Variants in ALG11 observed in about 807,000 individuals in gnomAD.
ALG11 encodes ALG11 alpha-1,2-mannosyltransferase, also known as GDP-Man:Man(3)GlcNAc(2)-PP-Dol alpha-1,2-mannosyltransferase.
In ALG11, 26 loss-of-function variants were observed where a neutral mutation model predicts 38.8. The observed-to-expected ratio is 0.67, with a 90% CI of 0.49 to 0.93. The LOEUF (loss-of-function observed/expected upper bound fraction) is 0.93, where lower values mean the gene tolerates loss of function less well. Ranked by LOEUF, ALG11 falls within the 40% of genes least tolerant of loss-of-function variation. The pLI is 0.00. For missense variants in ALG11, 535 were observed against 578.8 expected (o/e 0.92, Z 0.78); for synonymous variants, 199 against 211.6 (o/e 0.94, Z 0.52).
chr13:52,031,008 A>T lies in ALG11; in HGVS notation c.*2418A>T, dbSNP rs1954298265. 1 of 1,614,196 alleles carries T rather than the reference A, an allele frequency of 6.2e-7. No individual in the cohort carries two copies. Among genetic ancestry groups the T allele is most frequent in the East Asian group, 2.2e-5 (1 of 44,878 alleles). On this transcript the variant is annotated 3_prime_UTR_variant, in exon 4 of 4. Transcript: ENST00000521508. ...ATCATTAAGCCCATAAAAGCAGAGG[A>T]TGTGGGCTACCAGTCTTCCTCAAGG...
Position 52,030,626 on chromosome 13 carries a change from T to A in ALG11, c.*2036T>A. On this transcript the variant is annotated 3_prime_UTR_variant, in exon 4 of 4. Coordinates refer to ENST00000521508, the MANE Select transcript of ALG11 (RefSeq NM_001004127.3). Reference sequence around the variant, plus strand: ...TGGGGATGATGTCATCAGAGATTTCTTGAAAGAGAAGAGGGAAGCTGTGGA... The same window carrying A: ...TGGGGATGATGTCATCAGAGATTTCATGAAAGAGAAGAGGGAAGCTGTGGA... 27 of 1,614,146 alleles carry A rather than the reference T, an allele frequency of 1.7e-5. No homozygotes were observed. Among genetic ancestry groups the A allele is most frequent in the Non-Finnish European group, 2.2e-5 (26 of 1,180,016 alleles).
intron 1 of ALG11, chr13:52,015,660 G>C (rs1171636629): frequency 6.5e-6 from 1 of 154,250 alleles, no homozygotes; most frequent in African/African-American, 2.4e-5. Flanking sequence ...TTCTGCTTTT[G>C]CTTCTTTCTG....
Position 52,032,236 on chromosome 13 carries a change from GA to G in ALG11, c.*3651del. ...ACTCCATCTCAAAAAAGAAAAAAAG[GA>G]AAAAGAAAATTATGAGAGTTACTTA... On this transcript the variant is annotated 3_prime_UTR_variant, in exon 4 of 4. Transcript: ENST00000521508. 6.1e-6 allele frequency: 1 copy of G among 163,412 alleles called. No individual in the cohort carries two copies. 10.1% of individuals were successfully genotyped at this position (163,412 alleles called of 1,614,324 possible).
chr13:52,024,505 T>C lies in ALG11; in HGVS notation c.775T>C (p.Ser259Pro). 6.2e-7 allele frequency: 1 copy of C among 1,614,234 alleles called. No individual in the cohort carries two copies. Among genetic ancestry groups the C allele is most frequent in the Non-Finnish European group, 8.5e-7 (1 of 1,180,034 alleles). Residue 259 changes from serine (S) to proline (P), a missense_variant, in exon 3 of 4, where the codon TCT (serine) becomes CCT (proline). Transcript: ENST00000521508. ...SCSDVVMVNS[S>P]WTLNHILSLW... ...CAGTGATGTAGTCATGGTCAATTCT[T>C]CTTGGACACTAAACCATATTCTCTC...
chr13:52,029,280 C>T lies in ALG11; in HGVS notation c.*690C>T, dbSNP rs1481435733. 3 of 1,614,030 alleles carry T rather than the reference C, an allele frequency of 1.9e-6. No homozygotes were observed. Among genetic ancestry groups the T allele is most frequent in the African/African-American group, 2.7e-5 (2 of 74,904 alleles). ...CAGCAGGCAGAGCAGCTGGTTTTTC[C>T]CCTGGGGAAGGAGCAGCCAGCCATT... On this transcript the variant is annotated 3_prime_UTR_variant, in exon 4 of 4. Coordinates refer to ENST00000521508, the MANE Select transcript of ALG11 (RefSeq NM_001004127.3).
rs1349623691 is a variant in ALG11 at position 52,033,279 on chromosome 13, T to G, written c.*4689T>G. The G allele has an allele frequency of 6.0e-6, 1 of 167,110 alleles. No homozygotes were observed. Among genetic ancestry groups the G allele is most frequent in the East Asian group, 1.9e-4 (1 of 5,202 alleles). The allele number at this position is 167,110 out of a possible 1,614,324, so 10.4% of individuals were successfully genotyped here. On this transcript the variant is annotated 3_prime_UTR_variant, in exon 4 of 4. Transcript: ENST00000521508. ...TTTTGAGTGGTCCAAGCCTGCTGTTTTGAACCCACAGCAGTGGAGATTTGT... is the reference window on the plus strand; with the variant it reads ...TTTTGAGTGGTCCAAGCCTGCTGTTGTGAACCCACAGCAGTGGAGATTTGT...
intron 3 of ALG11, among the ~76,000 whole-genome samples, chr13:52,025,412 A>G (rs1360715270): frequency 1.3e-5 from 2 of 152,162 alleles, no homozygotes; most frequent in African/African-American, 4.8e-5. Context: ...ATCCTACAGA[A>G]TGGCCAAATG....
intron 2 of ALG11, 30 bp from the exon 3 acceptor site, chr13:52,023,976 T>C (rs1954211384): frequency 1.2e-6 from 2 of 1,607,590 alleles, no homozygotes; most frequent in Non-Finnish European, 1.7e-6. Flanking sequence ...TGTAACTTAA[T>C]ATATTCTTAA....
rs759023629 is a variant in ALG11, at chr13:52,029,608, G to A, written c.*1018G>A. Reference sequence around the variant, plus strand: ...CCAAGAAAGCCTTAAAAGAGTTTGAGCAGCTACAGAAGGTTAATCCAACTG... The same window carrying A: ...CCAAGAAAGCCTTAAAAGAGTTTGAACAGCTACAGAAGGTTAATCCAACTG... On this transcript the variant is annotated 3_prime_UTR_variant, in exon 4 of 4. Transcript: ENST00000521508. 6 of 1,614,126 alleles carry A rather than the reference G, an allele frequency of 3.7e-6. No homozygotes were observed. In the African/African-American group the frequency reaches 6.7e-5, roughly 18 times the overall value.
rs1756736405 is a variant in ALG11 at position 52,031,312 on chromosome 13, A to G, written c.*2722A>G. 1.3e-6 allele frequency: 1 copy of G among 741,958 alleles called. No individual in the cohort carries two copies. The highest frequency in any genetic ancestry group is 1.8e-5 in the African/African-American group (1 of 56,480). 46.0% of individuals were successfully genotyped at this position (741,958 alleles called of 1,614,324 possible). A position where few individuals can be genotyped will look rare whatever the true frequency, so the allele number is the denominator to read the frequency against. On this transcript the variant is annotated 3_prime_UTR_variant, in exon 4 of 4. Coordinates refer to ENST00000521508, the MANE Select transcript of ALG11 (RefSeq NM_001004127.3). ...TTAGAACACAGAAAAATTCTAGTACATTTAAATTCTAAACAATACAGTGGA... is the reference window on the plus strand; with the variant it reads ...TTAGAACACAGAAAAATTCTAGTACGTTTAAATTCTAAACAATACAGTGGA...
intron 3 of ALG11, 42 bp from the exon 4 acceptor site, chr13:52,028,277 C>G (rs567625950): frequency 1.9e-6 from 3 of 1,613,370 alleles, no homozygotes; most frequent in Admixed American, 1.7e-5. Flanking sequence ...TGAACACACT[C>G]AAAAACTTAA....
chr13:52,020,012 TG>T (rs1954171191), intron 2 of ALG11, among the ~76,000 whole-genome samples: 1 of 152,200 alleles, frequency 6.6e-6, no homozygotes, highest in African/African-American at 2.4e-5. Context: ...TGGGAATAAC[TG>T]GTCCCCTTGG....
In ALG11 at chr13:52,029,874, C is replaced by G. The variant is rs146487429; in HGVS notation, c.*1284C>G. On this transcript the variant is annotated 3_prime_UTR_variant, in exon 4 of 4. Transcript: ENST00000521508. ...ACAGAAGTGGAAGAACTCCTTGTCC[C>G]TCATGTAGCGAATGAAGTGCAGATG... 6.2e-7 allele frequency: 1 copy of G among 1,614,160 alleles called. No homozygotes were observed.
At position 52,030,034 on chromosome 13, in the gene ALG11, A is replaced by G. The variant is rs1012610839; in HGVS notation, c.*1444A>G. The G allele has an allele frequency of 6.2e-7, 1 of 1,614,062 alleles. No homozygotes were observed. Among genetic ancestry groups the G allele is most frequent in the Non-Finnish European group, 8.5e-7 (1 of 1,179,872 alleles). On this transcript the variant is annotated 3_prime_UTR_variant, in exon 4 of 4. Coordinates refer to ENST00000521508, the MANE Select transcript of ALG11 (RefSeq NM_001004127.3). ...TTTCTGCAAGTGAGGCAGAAGAAAG[A>G]CCAGTGGCAGAGGAAGAAATTTTGT...
At position 52,024,579 on chromosome 13, in the gene ALG11, T is replaced by C. The variant is rs1206547575; in HGVS notation, c.849T>C (p.Asp283=). The C allele has an allele frequency of 1.2e-6, 2 of 1,614,076 alleles. No homozygotes were observed. The highest frequency in any genetic ancestry group is 8.5e-7 in the Non-Finnish European group (1 of 1,180,030). Residue 283 remains aspartate (D), a synonymous_variant, in exon 3 of 4, where the codon GAT becomes GAC. Coordinates refer to ENST00000521508, the MANE Select transcript of ALG11 (RefSeq NM_001004127.3). ...CTAACATTGTTTATCCACCTTGTGA[T>C]GTGCAGACATTTCTGGACATTCCCT... is the stretch of plus-strand genomic sequence containing the variant. The part of the protein sequence containing the change: ...NCTNIVYPPC[D]VQTFLDIPLH...
rs1954278709 is a variant in ALG11, at chr13:52,029,667, C to T, written c.*1077C>T. ...GAAGAAATGGAAAAAATTGAAAATG[C>T]CAGAATGATGGAAAGAATGAGCCTT... On this transcript the variant is annotated 3_prime_UTR_variant, in exon 4 of 4. Coordinates refer to ENST00000521508, the MANE Select transcript of ALG11 (RefSeq NM_001004127.3). 4 of 1,614,152 alleles carry T rather than the reference C, an allele frequency of 2.5e-6. No individual in the cohort carries two copies. The highest frequency in any genetic ancestry group is 2.7e-5 in the African/African-American group (2 of 75,028).
chr13:52,018,789 C>T (rs1954157396), intron 1 of ALG11, 124 bp from the exon 2 acceptor site: 1 of 806,834 alleles, frequency 1.2e-6, no homozygotes, highest in Non-Finnish European at 2.0e-6. Context: ...TGTTAGCAGA[C>T]TCGTTAAAGA....
In ALG11 at chr13:52,031,339, G is replaced by A. The variant is rs1954301918; in HGVS notation, c.*2749G>A. The A allele has an allele frequency of 1.7e-6, 1 of 599,394 alleles. No homozygotes were observed. Among genetic ancestry groups the A allele is most frequent in the African/African-American group, 1.8e-5 (1 of 54,060 alleles). The allele number at this position is 599,394 out of a possible 1,614,324, so 37.1% of individuals were successfully genotyped here. ...TTAAATTCTAAACAATACAGTGGATGACCCTTTTGAATATACCTAATGATT... is the reference window on the plus strand; with the variant it reads ...TTAAATTCTAAACAATACAGTGGATAACCCTTTTGAATATACCTAATGATT... On this transcript the variant is annotated 3_prime_UTR_variant, in exon 4 of 4. Coordinates refer to ENST00000521508, the MANE Select transcript of ALG11 (RefSeq NM_001004127.3).
intron 1 of ALG11, 108 bp from the exon 2 acceptor site, chr13:52,018,805 C>G (rs927494122): frequency 1.1e-6 from 1 of 912,682 alleles, no homozygotes; most frequent in Non-Finnish European, 1.7e-6. Flanking sequence ...AAAGACAATT[C>G]TCTCTTTGTT....
Sources: gnomAD v4.1 joint callset for allele counts (sites outside exome capture counted in the v4.1 genomes callset) on GRCh38, gnomAD v4.1.1 for gene constraint, MANE v1.5 for transcripts, NCBI Gene and HGNC (gene_info 2026-07-23, HGNC 2026-07-21) for gene names.